Variants in EFNA5 observed in about 807,000 individuals in gnomAD.
EFNA5 encodes ephrin A5.
In EFNA5, 5 loss-of-function variants were observed where a neutral mutation model predicts 22.9. The ratio of observed to expected loss-of-function variants is 0.22; its 90% CI spans 0.11 to 0.46. EFNA5 has a LOEUF of 0.46. EFNA5 is among the 20% of genes least tolerant of loss of function. The pLI, the probability that EFNA5 is intolerant of heterozygous loss-of-function variation, is 0.99. For missense variants in EFNA5, 237 were observed against 293.3 expected (o/e 0.81, Z 1.40); for synonymous variants, 113 against 112.2 (o/e 1.01, Z -0.04).
intron 1 of EFNA5, among the ~76,000 whole-genome samples, chr5:107,449,178 G>A (rs1358161616): frequency 6.6e-6 from 1 of 152,078 alleles, no homozygotes; most frequent in Non-Finnish European, 1.5e-5. Flanking sequence ...ACGATTTAGT[G>A]GAACACTGAG....
intron 2 of EFNA5, among the ~76,000 whole-genome samples, chr5:107,416,789 C>G (rs1748516203): frequency 6.6e-6 from 1 of 152,106 alleles, no homozygotes; most frequent in Non-Finnish European, 1.5e-5. Flanking sequence ...AAAAATTTGC[C>G]TGTTCACATT....
rs1748221631 is a variant in EFNA5 at position 107,548,620 on chromosome 5, T to C, written c.126-121111A>G. ...TCACATAAATAACACAGCACTGAAATGTACAGCTGACGTGAGCTGTTAGTA... is the reference window on the plus strand; with the variant it reads ...TCACATAAATAACACAGCACTGAAACGTACAGCTGACGTGAGCTGTTAGTA... On this transcript the variant is annotated intron_variant, in intron 1 of 4. Transcript: ENST00000333274. 2.0e-5 allele frequency among the ~76,000 whole-genome samples: 3 copies of C among 152,286 alleles called. No individual in the cohort carries two copies. The South Asian group carries it at 6.2e-4, about 32-fold the overall frequency.
intron 1 of EFNA5, among the ~76,000 whole-genome samples, chr5:107,498,955 A>ATGTAT (rs1554063506): frequency 3.4e-5 from 5 of 148,458 alleles, no homozygotes; most frequent in Non-Finnish European, 5.9e-5. Context: ...TATGTATATA[A>ATGTAT]GTATGTATGT....
intron 2 of EFNA5, among the ~76,000 whole-genome samples, chr5:107,409,397 A>G (rs1194262227): frequency 6.6e-6 from 1 of 152,178 alleles, no homozygotes; most frequent in Non-Finnish European, 1.5e-5. Flanking sequence ...CAGCAGGAAC[A>G]ATGCTCTCGT....
At chr5:107,415,150 C>T (rs753482781) in intron 2 of EFNA5, among the ~76,000 whole-genome samples, 9 of 151,980 alleles carry the variant, frequency 5.9e-5, no homozygotes, top group African/African-American at 1.9e-4. Context: ...GTGCCTAACA[C>T]GTACCTGTGA....
At chr5:107,609,517 A>C (rs958814932) in intron 1 of EFNA5, among the ~76,000 whole-genome samples, 1 of 152,094 alleles carries the variant, frequency 6.6e-6, no homozygotes, top group African/African-American at 2.4e-5. Context: ...TAAGCAGAAG[A>C]GGTCTTAAAA....
chr5:107,490,613 C>A (rs1746778023), intron 1 of EFNA5, among the ~76,000 whole-genome samples: 1 of 150,302 alleles, frequency 6.7e-6, no homozygotes, highest in Non-Finnish European at 1.5e-5. Context: ...GGTAGGCTAC[C>A]ACCTGCACTG....
chr5:107,461,407 C>G (rs1690443511), intron 1 of EFNA5, among the ~76,000 whole-genome samples: 1 of 152,064 alleles, frequency 6.6e-6, no homozygotes. Flanking sequence ...TCACTGAGTT[C>G]AAGCCCCAAA....
At chr5:107,568,955 C>T (rs1047692698) in intron 1 of EFNA5, among the ~76,000 whole-genome samples, 4 of 152,106 alleles carry the variant, frequency 2.6e-5, no homozygotes, top group African/African-American at 7.2e-5. Context: ...GTCAGGACAG[C>T]TAAATATATG....
chr5:107,662,966 C>T (rs948662677), intron 1 of EFNA5, among the ~76,000 whole-genome samples: 4 of 151,806 alleles, frequency 2.6e-5, no homozygotes, highest in African/African-American at 9.7e-5. Context: ...TGGTACAGCC[C>T]AACATTTAAC....
chr5:107,477,388 A>G (rs1267386067), intron 1 of EFNA5, among the ~76,000 whole-genome samples: 1 of 152,212 alleles, frequency 6.6e-6, no homozygotes, highest in East Asian at 1.9e-4. Flanking sequence ...GACTGTTTAA[A>G]GGTACAAATC....
chr5:107,553,420 T>C (rs1162264445), intron 1 of EFNA5, among the ~76,000 whole-genome samples: 1 of 152,132 alleles, frequency 6.6e-6, no homozygotes, highest in African/African-American at 2.4e-5. Context: ...CAAAGCTTGG[T>C]GAGAGTAATC....
intron 1 of EFNA5, among the ~76,000 whole-genome samples, chr5:107,428,167 C>CGTG: frequency 6.6e-6 from 1 of 152,202 alleles, no homozygotes; most frequent in Non-Finnish European, 1.5e-5. Context: ...GATCCCAGTT[C>CGTG]AGTGCTTTTC....
chr5:107,430,770 C>A (rs1483986839), intron 1 of EFNA5, among the ~76,000 whole-genome samples: 4 of 104,782 alleles, frequency 3.8e-5, no homozygotes, highest in African/African-American at 1.4e-4. Context: ...TTATTTCTTT[C>A]TTTCTTTTTT....
rs369938956 is a variant in EFNA5 at position 107,546,224 on chromosome 5, T to C, written c.126-118715A>G. ...AAGTCTCAAAAGATAACACAATTTG[T>C]AGGGGCCGCCCTCCTAGCACTGGTG... On this transcript the variant is annotated intron_variant, in intron 1 of 4. Coordinates refer to ENST00000333274, the MANE Select transcript of EFNA5 (RefSeq NM_001962.3). Among the ~76,000 whole-genome samples the C allele has an allele frequency of 3.3e-5, 5 of 152,168 alleles. No homozygotes were observed. The East Asian group carries it at 5.8e-4, about 18-fold the overall frequency.
chr5:107,606,146 TCAGA>T (rs773670586), intron 1 of EFNA5, among the ~76,000 whole-genome samples: 14 of 152,298 alleles, frequency 9.2e-5, no homozygotes, highest in Admixed American at 2.6e-4. Context: ...TTCTACGTGC[TCAGA>T]CAAATAGCTG....
intron 1 of EFNA5, among the ~76,000 whole-genome samples, chr5:107,587,654 C>T (rs1326189309): frequency 3.3e-5 from 5 of 152,106 alleles, no homozygotes; most frequent in African/African-American, 1.2e-4. Flanking sequence ...ATAGCTGGGA[C>T]TACAGGTGCC....
At chr5:107,527,755 G>C (rs1394817029) in intron 1 of EFNA5, among the ~76,000 whole-genome samples, 1 of 152,096 alleles carries the variant, frequency 6.6e-6, no homozygotes, top group African/African-American at 2.4e-5. Flanking sequence ...AGATGTGGCA[G>C]GTAGGGAAGT....
intron 1 of EFNA5, among the ~76,000 whole-genome samples, chr5:107,576,488 A>T (rs549542204): frequency 6.6e-6 from 1 of 152,358 alleles, no homozygotes; most frequent in South Asian, 2.1e-4. Context: ...TGCCAAATGC[A>T]AAAGAATTAC....
Sources: gnomAD v4.1 joint callset for allele counts (sites outside exome capture counted in the v4.1 genomes callset) on GRCh38, gnomAD v4.1.1 for gene constraint, MANE v1.5 for transcripts, NCBI Gene and HGNC (gene_info 2026-07-23, HGNC 2026-07-21) for gene names.